ACTR2: variants seen among roughly 807,000 people sequenced by gnomAD.
The protein encoded by ACTR2 is actin related protein 2.
A neutral mutation model predicts 50.2 loss-of-function variants in ACTR2; 5 were observed. That is an observed-to-expected ratio of 0.10 (90% CI 0.05 to 0.21). ACTR2 has a LOEUF of 0.21. Ranked by LOEUF, ACTR2 falls within the 10% of genes least tolerant of loss-of-function variation. ACTR2 has a pLI of 1.00. For synonymous variants in ACTR2, 140 were observed against 162.9 expected, an observed-to-expected ratio of 0.86 and a Z score of 1.07; for missense variants, 180 against 480.6, an observed-to-expected ratio of 0.37 and a Z score of 5.85.
At position 65,232,965 on chromosome 2, in the gene ACTR2, G is replaced by C. The variant is rs114175164; in HGVS notation, c.48+5008G>C. ...ACCAAATGATAGTTTAGAAAGGAAT[G>C]TTTTCTTTGTATTTTATCACATCAT... On this transcript the variant is annotated intron_variant, in intron 1 of 8. Transcript: ENST00000260641. 5.7e-3 allele frequency among the ~76,000 whole-genome samples: 856 copies of C among 149,548 alleles called. 13 individuals are homozygous for C. The highest frequency in any genetic ancestry group is 0.024 in the South Asian group (112 of 4,674).
chr2:65,264,511 G>A (rs1672336591), intron 7 of ACTR2, among the ~76,000 whole-genome samples: 1 of 152,102 alleles, frequency 6.6e-6, no homozygotes, highest in African/African-American at 2.4e-5. Flanking sequence ...AGAATAGAGG[G>A]TACTGCTGTC....
chr2:65,259,800 T>C (rs978274547), intron 6 of ACTR2, among the ~76,000 whole-genome samples: 2 of 152,190 alleles, frequency 1.3e-5, no homozygotes, highest in Non-Finnish European at 2.9e-5. Flanking sequence ...CTCATGGAAA[T>C]GTGTCAAATG....
chr2:65,264,129 C>G (rs189586775), intron 7 of ACTR2, among the ~76,000 whole-genome samples: 112 of 152,308 alleles, frequency 7.4e-4, no homozygotes, highest in Non-Finnish European at 9.3e-4. Flanking sequence ...GAGTCAGATT[C>G]AGTACCTTCT....
intron 8 of ACTR2, among the ~76,000 whole-genome samples, chr2:65,268,318 A>C (rs556860593): frequency 1.3e-5 from 2 of 152,304 alleles, no homozygotes; most frequent in South Asian, 4.1e-4. Context: ...GGTATTAATA[A>C]TGATGGGACA....
At chr2:65,259,983 T>C (rs1672235673) in intron 6 of ACTR2, among the ~76,000 whole-genome samples, 2 of 152,230 alleles carry the variant, frequency 1.3e-5, no homozygotes, top group African/African-American at 4.8e-5. Context: ...TTAAATCTTA[T>C]TTGCTTAAAT....
At chr2:65,258,936 G>A (rs1420644659) in intron 6 of ACTR2, among the ~76,000 whole-genome samples, 2 of 151,916 alleles carry the variant, frequency 1.3e-5, no homozygotes, top group Non-Finnish European at 2.9e-5. Flanking sequence ...AGGTGGAGGT[G>A]GTTTTTTTAA....
intron 1 of ACTR2, among the ~76,000 whole-genome samples, chr2:65,228,713 C>T (rs904984998): frequency 6.6e-6 from 1 of 152,106 alleles, no homozygotes; most frequent in Non-Finnish European, 1.5e-5. Flanking sequence ...ACCCCCAGCC[C>T]CCTTTTTTCC....
chr2:65,257,871 A>T (rs1438751290), intron 6 of ACTR2, among the ~76,000 whole-genome samples: 2 of 151,992 alleles, frequency 1.3e-5, no homozygotes, highest in African/African-American at 4.8e-5. Context: ...GATTGCAAAA[A>T]TTTTTTCCCA....
chr2:65,228,235 G>A (rs1671567139), intron 1 of ACTR2: 2 of 364,408 alleles, frequency 5.5e-6, no homozygotes, highest in Non-Finnish European at 9.8e-6. Context: ...GCCCGGCAGG[G>A]ACCTGCTCCG....
chr2:65,232,209 T>G (rs1439131174), intron 1 of ACTR2, among the ~76,000 whole-genome samples: 1 of 152,168 alleles, frequency 6.6e-6, no homozygotes, highest in South Asian at 2.1e-4. Flanking sequence ...GCCCCTGGTG[T>G]TACGTGTCTT....
chr2:65,230,447 T>A (rs1354821798), intron 1 of ACTR2, among the ~76,000 whole-genome samples: 1 of 147,394 alleles, frequency 6.8e-6, no homozygotes, highest in Non-Finnish European at 1.5e-5. Context: ...GATCTAGCTC[T>A]GTTGCCCAGG....
intron 1 of ACTR2, among the ~76,000 whole-genome samples, chr2:65,237,259 T>C (rs539432932): frequency 2.0e-5 from 3 of 152,286 alleles, no homozygotes; most frequent in East Asian, 1.9e-4. Context: ...TACTAGACTA[T>C]GTATTATTTA....
intron 6 of ACTR2, among the ~76,000 whole-genome samples, chr2:65,257,172 CCACTTATGAATGAGAA>C (rs1672165653): frequency 6.6e-6 from 1 of 151,908 alleles, no homozygotes; most frequent in East Asian, 1.9e-4. Context: ...TTGTCAGCTC[CCACTTATGAATGAGAA>C]CATTTGGTGT....
chr2:65,264,223 G>GGGAA (rs1672331704), intron 7 of ACTR2, among the ~76,000 whole-genome samples: 2 of 152,182 alleles, frequency 1.3e-5, no homozygotes, highest in African/African-American at 4.8e-5. Flanking sequence ...GTAAATGCTT[G>GGGAA]TGAGTACTTA....
intron 1 of ACTR2, among the ~76,000 whole-genome samples, chr2:65,233,725 C>T (rs1671681771): frequency 6.6e-6 from 1 of 151,924 alleles, no homozygotes; most frequent in Non-Finnish European, 1.5e-5. Context: ...GATTCTTCTG[C>T]CCCAGCCTCT....
intron 4 of ACTR2, 83 bp from the exon 5 acceptor site, chr2:65,253,645 G>A: frequency 7.1e-7 from 1 of 1,402,880 alleles, no homozygotes; most frequent in Non-Finnish European, 9.8e-7. Flanking sequence ...TTTCTGTTTT[G>A]GCTTCCCTAC....
chr2:65,253,276 C>CA (rs1409219834), intron 4 of ACTR2, among the ~76,000 whole-genome samples: 1 of 151,838 alleles, frequency 6.6e-6, no homozygotes, highest in African/African-American at 2.4e-5. Context: ...TCTGTCTCTA[C>CA]AAAAAAATTA....
chr2:65,228,138 C>T (rs1013431689), intron 1 of ACTR2, 181 bp downstream of exon 1: 1 of 493,410 alleles, frequency 2.0e-6, no homozygotes, highest in Non-Finnish European at 3.3e-6. Context: ...CTCCCTTGAG[C>T]CTGCCACCCA....
intron 8 of ACTR2, 127 bp downstream of exon 8, chr2:65,265,302 A>C: frequency 9.9e-7 from 1 of 1,012,376 alleles, no homozygotes; most frequent in Non-Finnish European, 1.5e-6. Context: ...AGTCAAGTGC[A>C]TCCTGGAAAT....
Sources: gnomAD v4.1 joint callset for allele counts (sites outside exome capture counted in the v4.1 genomes callset) on GRCh38, gnomAD v4.1.1 for gene constraint, MANE v1.5 for transcripts, NCBI Gene and HGNC (gene_info 2026-07-23, HGNC 2026-07-21) for gene names.